SLC1A3: variants seen among roughly 807,000 people sequenced by gnomAD.
SLC1A3 encodes the protein excitatory amino acid transporter 1.
SLC1A3 carries 21 observed loss-of-function variants against 48.1 expected under a neutral mutation model. The ratio of observed to expected loss-of-function variants is 0.44; its 90% CI spans 0.31 to 0.63. The LOEUF is 0.63. Among genes scored for constraint, SLC1A3 ranks in the 20% least tolerant of loss-of-function variants. The probability of loss-of-function intolerance (pLI) is 0.08; values close to 1 mark genes in which losing one functional copy is unlikely to be tolerated. For missense variants in SLC1A3, 546 were observed against 689.0 expected, an observed-to-expected ratio of 0.79 and a Z score of 2.32; for synonymous variants, 239 against 251.4, an observed-to-expected ratio of 0.95 and a Z score of 0.47.
intron 3 of SLC1A3, among the ~76,000 whole-genome samples, chr5:36,654,021 T>G (rs1041663075): frequency 6.6e-6 from 1 of 152,146 alleles, no homozygotes; most frequent in Non-Finnish European, 1.5e-5. Context: ...TTTTTGTATT[T>G]TTCGTAGAGA....
intron 3 of SLC1A3, among the ~76,000 whole-genome samples, chr5:36,661,713 T>C (rs1047824921): frequency 2.0e-5 from 3 of 152,256 alleles, no homozygotes; most frequent in Non-Finnish European, 2.9e-5. Context: ...CAGAATGAAC[T>C]GGTCTTTAAC....
chr5:36,668,643 G>A (rs1741860164), intron 3 of SLC1A3: 1 of 152,116 alleles, frequency 6.6e-6, no homozygotes, highest in South Asian at 2.1e-4. Context: ...GGTGAGTGAG[G>A]CCTCTCATTT....
At chr5:36,669,045 T>C (rs1428488798) in intron 3 of SLC1A3, 1 of 152,194 alleles carries the variant, frequency 6.6e-6, no homozygotes, top group East Asian at 1.9e-4. Context: ...AAAAAGCATC[T>C]CGGAGGAAGA....
chr5:36,635,568 A>C (rs1740309916), intron 3 of SLC1A3, among the ~76,000 whole-genome samples: 1 of 152,204 alleles, frequency 6.6e-6, no homozygotes, highest in Non-Finnish European at 1.5e-5. Context: ...TCATTACTGG[A>C]AGGGATAGGT....
At chr5:36,646,898 T>G (rs1740862417) in intron 3 of SLC1A3, among the ~76,000 whole-genome samples, 1 of 152,200 alleles carries the variant, frequency 6.6e-6, no homozygotes, top group South Asian at 2.1e-4. Flanking sequence ...CATTCCTGCC[T>G]CAGTGGAGTA....
At chr5:36,621,627 A>C (rs1445831638) in intron 2 of SLC1A3, among the ~76,000 whole-genome samples, 1 of 152,212 alleles carries the variant, frequency 6.6e-6, no homozygotes. Flanking sequence ...CTTCATTTAC[A>C]AATTAGAAAA....
intron 3 of SLC1A3, among the ~76,000 whole-genome samples, chr5:36,654,748 T>C (rs971526105): frequency 6.6e-6 from 1 of 152,168 alleles, no homozygotes; most frequent in Non-Finnish European, 1.5e-5. Flanking sequence ...AGGTTGTTAA[T>C]TCATTCAGTA....
At chr5:36,666,057 G>A (rs1741731928) in intron 3 of SLC1A3, among the ~76,000 whole-genome samples, 1 of 152,076 alleles carries the variant, frequency 6.6e-6, no homozygotes, top group Non-Finnish European at 1.5e-5. Flanking sequence ...GACTTTCTTT[G>A]TGCTCCCTCC....
At chr5:36,671,682 G>A (rs1021192202) in intron 4 of SLC1A3, among the ~76,000 whole-genome samples, 1 of 152,156 alleles carries the variant, frequency 6.6e-6, no homozygotes, top group Non-Finnish European at 1.5e-5. Flanking sequence ...GTTCCAGAGG[G>A]ACTTTAGAGA....
rs193302430 is a variant in SLC1A3, at chr5:36,650,111, T to C, written c.319+20524T>C. 1.1e-3 allele frequency among the ~76,000 whole-genome samples: 175 copies of C among 152,316 alleles called. 1 individual carries two copies. The highest frequency in any genetic ancestry group is 4.1e-3 in the African/African-American group (171 of 41,588). ...TACTGTTTTGGGGACATCCAAGTCT[T>C]AGTGTAGAGGCGGGTGGGGAAACTA... On this transcript the variant is annotated intron_variant, in intron 3 of 9. Coordinates refer to ENST00000265113, the MANE Select transcript of SLC1A3 (RefSeq NM_004172.5).
At chr5:36,606,490 C>T (rs1432829421), upstream of SLC1A3, 1 of 152,270 alleles carries the variant, frequency 6.6e-6, no homozygotes, top group Non-Finnish European at 1.5e-5. Flanking sequence ...ATCAATATTC[C>T]AGAAACCTCG....
In SLC1A3 at chr5:36,641,345, G is replaced by A. The variant is rs1028253506; in HGVS notation, c.319+11758G>A. Among the ~76,000 whole-genome samples the A allele has an allele frequency of 6.6e-5, 10 of 152,114 alleles. No homozygotes were observed. The East Asian group carries it at 7.7e-4, about 12-fold the overall frequency. On this transcript the variant is annotated intron_variant, in intron 3 of 9. Coordinates refer to ENST00000265113, the MANE Select transcript of SLC1A3 (RefSeq NM_004172.5). ...TCTTTTTAAGTTTATAACTTTTCCC[G>A]AGTTTGTTTCTGCACTTTAAGGTTT...
chr5:36,663,380 A>ATTTTTTTTTTTTTTT (rs1156283585), intron 3 of SLC1A3, among the ~76,000 whole-genome samples: 20 of 69,338 alleles, frequency 2.9e-4, no homozygotes, highest in African/African-American at 9.1e-4. Flanking sequence ...CACGCCCGGC[A>ATTTTTTTTTTTTTTT]TTTTTTTTTT....
At chr5:36,609,254 G>T (rs530424728) in intron 2 of SLC1A3, 1 of 939,848 alleles carries the variant, frequency 1.1e-6, no homozygotes, top group Admixed American at 6.2e-5. Flanking sequence ...ACAGCAATCT[G>T]TACTAATAAA....
At chr5:36,604,549 C>T (rs1041909519), upstream of SLC1A3, among the ~76,000 whole-genome samples, 2 of 152,162 alleles carry the variant, frequency 1.3e-5, no homozygotes, top group African/African-American at 2.4e-5. Flanking sequence ...CTTTGCATCT[C>T]ATTTTCTCAT....
chr5:36,620,620 C>T (rs1739624991), intron 2 of SLC1A3, among the ~76,000 whole-genome samples: 1 of 152,142 alleles, frequency 6.6e-6, no homozygotes, highest in East Asian at 1.9e-4. Context: ...GAAAATAAGA[C>T]ATGTTTGTTC....
rs1741061993 is a variant in SLC1A3 at position 36,651,332 on chromosome 5, T to G, written c.320-19697T>G. 2.0e-5 allele frequency among the ~76,000 whole-genome samples: 3 copies of G among 152,044 alleles called. No individual in the cohort carries two copies. The South Asian group carries it at 6.2e-4, about 32-fold the overall frequency. ...CATATTGATCCTAATCTACACTAAC[T>G]TCCTTTCTAGTCTCCCTGCCATCCG... On this transcript the variant is annotated intron_variant, in intron 3 of 9. Transcript: ENST00000265113.
At chr5:36,605,716 T>A (rs192949018), upstream of SLC1A3, among the ~76,000 whole-genome samples, 169 of 152,044 alleles carry the variant, frequency 1.1e-3, no homozygotes, top group East Asian at 5.0e-3. Context: ...CTCAAAAAAA[T>A]TTTTTTTTAT....
At chr5:36,608,194 G>A in intron 1 of SLC1A3, 135 bp from the exon 2 acceptor site, 1 of 540,102 alleles carries the variant, frequency 1.9e-6, no homozygotes, top group East Asian at 3.0e-5. Context: ...CAACCTTGAG[G>A]TCTGGTATTG....
Sources: allele counts gnomAD v4.1 joint callset (sites outside exome capture counted in the v4.1 genomes callset), GRCh38; gene constraint gnomAD v4.1.1; transcripts MANE v1.5; gene names NCBI Gene and HGNC (gene_info 2026-07-23, HGNC 2026-07-21).